The following ARRB1 variants were observed in gnomAD, a reference collection of about 807,000 sequenced individuals.
The protein encoded by ARRB1 is beta-arrestin-1.
Under a neutral mutation model 56.8 loss-of-function variants are expected in ARRB1, and 21 were observed. The ratio of observed to expected loss-of-function variants is 0.37; its 90% CI spans 0.26 to 0.53. The LOEUF is 0.53. ARRB1 is among the 20% of genes least tolerant of loss of function. ARRB1 has a pLI of 0.88. For missense variants in ARRB1, 424 were observed against 553.7 expected (o/e 0.77, Z 2.35); for synonymous variants, 210 against 218.6 (o/e 0.96, Z 0.35).
intron 7 of ARRB1, among the ~76,000 whole-genome samples, chr11:75,280,735 C>A (rs1946315444): frequency 6.6e-6 from 1 of 152,246 alleles, no homozygotes; most frequent in Non-Finnish European, 1.5e-5. Context: ...AGGAAACAGC[C>A]TGCTCACTGT....
intron 1 of ARRB1, 117 bp from the exon 2 acceptor site, chr11:75,290,156 T>G: frequency 3.9e-6 from 5 of 1,270,604 alleles, no homozygotes; most frequent in Middle Eastern, 2.3e-4. Flanking sequence ...ACAGGCACCA[T>G]GCAGGCTTGA....
intron 13 of ARRB1, chr11:75,269,172 G>A: frequency 1.3e-6 from 1 of 740,988 alleles, no homozygotes; most frequent in Admixed American, 1.8e-5. Context: ...AAAAGAAATG[G>A]AAGCCTCCTC....
chr11:75,267,104 A>C (rs1338610461), intron 15 of ARRB1, among the ~76,000 whole-genome samples: 1 of 152,172 alleles, frequency 6.6e-6, no homozygotes, highest in Non-Finnish European at 1.5e-5. Context: ...CTGGGGGACA[A>C]GGGAAGATTG....
chr11:75,343,105 G>A (rs998223352), intron 1 of ARRB1, among the ~76,000 whole-genome samples: 4 of 152,198 alleles, frequency 2.6e-5, no homozygotes, highest in African/African-American at 9.7e-5. Flanking sequence ...CGCAGGTGCT[G>A]GGGACAAGCA....
Position 75,265,898 on chromosome 11 carries a change from A to G in ARRB1, c.*265T>C, listed in dbSNP as rs1041023756. 2 of 487,704 alleles carry G rather than the reference A, an allele frequency of 4.1e-6. No individual in the cohort carries two copies. The allele number at this position is 487,704 out of a possible 1,614,324, so 30.2% of individuals were successfully genotyped here. ...CCAATTCCAAGGCCAGAGCCCTGGC[A>G]GCTTTTCTGGGAGACAGCATGAAAA... is the stretch of plus-strand genomic sequence containing the variant. On this transcript the variant is annotated 3_prime_UTR_variant, in exon 16 of 16. Transcript: ENST00000420843.
intron 4 of ARRB1, 21 bp from the exon 5 acceptor site, chr11:75,283,504 TGAG>T (rs965794981): frequency 6.3e-7 from 1 of 1,583,374 alleles, no homozygotes; most frequent in Non-Finnish European, 8.6e-7. Flanking sequence ...CGAGGAGCAC[TGAG>T]GAGGGGCCTG....
intron 11 of ARRB1, among the ~76,000 whole-genome samples, chr11:75,273,606 C>A (rs1237803412): frequency 2.0e-5 from 3 of 152,216 alleles, no homozygotes; most frequent in Non-Finnish European, 2.9e-5. Context: ...ATAGCCAGGG[C>A]TCTGCTGGAG....
At chr11:75,323,916 C>G (rs976385015) in intron 1 of ARRB1, among the ~76,000 whole-genome samples, 23 of 152,058 alleles carry the variant, frequency 1.5e-4, no homozygotes, top group African/African-American at 5.1e-4. Context: ...ACATGAGGAA[C>G]AATCATTAAC....
At position 75,266,022 on chromosome 11, in the gene ARRB1, C is replaced by T; in HGVS notation, c.*141G>A. 1 of 677,130 alleles carries T rather than the reference C, an allele frequency of 1.5e-6. No individual in the cohort carries two copies. The highest frequency in any genetic ancestry group is 2.6e-6 in the Non-Finnish European group (1 of 384,160). 41.9% of individuals were successfully genotyped at this position (677,130 alleles called of 1,614,324 possible). A position where few individuals can be genotyped will look rare whatever the true frequency, so the allele number is the denominator to read the frequency against. On this transcript the variant is annotated 3_prime_UTR_variant, in exon 16 of 16. Coordinates refer to ENST00000420843, the MANE Select transcript of ARRB1 (RefSeq NM_004041.5). Reference sequence around the variant, plus strand: ...CAATCCTGAGGCCAGAGGTTCATCACCGTGATCTGGAAGCCCACGGGGCCC... The same window carrying T: ...CAATCCTGAGGCCAGAGGTTCATCATCGTGATCTGGAAGCCCACGGGGCCC...
At chr11:75,275,850 A>G (rs1299544913) in intron 10 of ARRB1, among the ~76,000 whole-genome samples, 1 of 152,188 alleles carries the variant, frequency 6.6e-6, no homozygotes, top group Non-Finnish European at 1.5e-5. Context: ...CCCTGCTGGT[A>G]TTCGTTATGC....
At chr11:75,274,322 C>T in intron 10 of ARRB1, 111 bp from the exon 11 acceptor site, 3 of 1,477,928 alleles carry the variant, frequency 2.0e-6, no homozygotes, top group Non-Finnish European at 2.8e-6. Context: ...TCTCCCTCTC[C>T]CAACCTCTGT....
intron 4 of ARRB1, 95 bp downstream of exon 4, chr11:75,284,140 G>C: frequency 1.5e-6 from 2 of 1,297,690 alleles, no homozygotes; most frequent in Non-Finnish European, 2.1e-6. Context: ...GCTTTCAGGG[G>C]AACCAGTGGG....
chr11:75,327,536 C>G (rs574988131), intron 1 of ARRB1, among the ~76,000 whole-genome samples: 1 of 151,360 alleles, frequency 6.6e-6, no homozygotes, highest in African/African-American at 2.4e-5. Context: ...GAGGCCAAGA[C>G]AGGAGGATCA....
chr11:75,304,933 A>T (rs1230439836), intron 1 of ARRB1, among the ~76,000 whole-genome samples: 2 of 151,888 alleles, frequency 1.3e-5, no homozygotes, highest in Non-Finnish European at 2.9e-5. Flanking sequence ...AAAGAAAAAT[A>T]GAAATCCTAA....
chr11:75,272,604 C>G (rs537786616), intron 12 of ARRB1, among the ~76,000 whole-genome samples: 95 of 152,234 alleles, frequency 6.2e-4, no homozygotes, highest in African/African-American at 2.2e-3. Context: ...ACGCCGTCCC[C>G]TGGGCATGGC....
intron 1 of ARRB1, among the ~76,000 whole-genome samples, chr11:75,345,249 G>T (rs1264551812): frequency 6.6e-6 from 1 of 152,198 alleles, no homozygotes; most frequent in Non-Finnish European, 1.5e-5. Context: ...GGCTAAAGAT[G>T]GGGCCAGTCC....
At chr11:75,318,322 AT>A (rs1246342698) in intron 1 of ARRB1, among the ~76,000 whole-genome samples, 2 of 151,940 alleles carry the variant, frequency 1.3e-5, no homozygotes, top group Non-Finnish European at 2.9e-5. Context: ...TGCCTGGCTA[AT>A]TTTTTTATTA....
intron 7 of ARRB1, among the ~76,000 whole-genome samples, chr11:75,280,346 ACT>A (rs1302379034): frequency 2.6e-5 from 4 of 152,230 alleles, no homozygotes; most frequent in Non-Finnish European, 5.9e-5. Flanking sequence ...CAGGTGGCAA[ACT>A]CAGCCCACGC....
At chr11:75,313,316 AC>A (rs1947202274) in intron 1 of ARRB1, among the ~76,000 whole-genome samples, 1 of 152,090 alleles carries the variant, frequency 6.6e-6, no homozygotes, top group Non-Finnish European at 1.5e-5. Context: ...GAGCCACTTC[AC>A]TCCAGCCTGC....
Sources: allele counts gnomAD v4.1 joint callset (sites outside exome capture counted in the v4.1 genomes callset), GRCh38; gene constraint gnomAD v4.1.1; transcripts MANE v1.5; gene names NCBI Gene and HGNC (gene_info 2026-07-23, HGNC 2026-07-21).